The following GIMAP4 variants were observed in gnomAD, a reference collection of about 807,000 sequenced individuals.
GIMAP4 encodes GTPase, IMAP family member 4.
A neutral mutation model predicts 10.8 loss-of-function variants in GIMAP4; 12 were observed. The ratio of observed to expected loss-of-function variants is 1.11; its 90% CI spans 0.71 to 1.81. The LOEUF is 1.81. Among genes scored for constraint, GIMAP4 ranks in the 40% most tolerant of loss-of-function variants. GIMAP4 has a pLI of 0.00. For synonymous variants in GIMAP4, 149 were observed against 147.2 expected, an observed-to-expected ratio of 1.01 and a Z score of -0.09; for missense variants, 412 against 404.6, an observed-to-expected ratio of 1.02 and a Z score of -0.16.
rs1017067469 is a variant in GIMAP4, at chr7:150,573,269, G to A, written c.*209G>A. The stretch of plus-strand genomic sequence containing the variant: ...AAACTCCAAAGCAGAAAGTATTGGT[G>A]CTTGCTACCTTGTGAATTCTTCCTT... On this transcript the variant is annotated 3_prime_UTR_variant, in exon 3 of 3. Transcript: ENST00000255945. 2 of 514,148 alleles carry A rather than the reference G, an allele frequency of 3.9e-6. No individual in the cohort carries two copies. The highest frequency in any genetic ancestry group is 6.9e-6 in the Non-Finnish European group (2 of 291,780). 31.8% of individuals were successfully genotyped at this position (514,148 alleles called of 1,614,324 possible). A position where few individuals can be genotyped will look rare whatever the true frequency, so the allele number is the denominator to read the frequency against.
intron 2 of GIMAP4, among the ~76,000 whole-genome samples, chr7:150,570,594 T>C (rs1314462295): frequency 1.3e-5 from 2 of 152,216 alleles, no homozygotes; most frequent in Non-Finnish European, 2.9e-5. Context: ...ACTGGGCTGT[T>C]CTTGGGTCTG....
rs367979869 is a variant in GIMAP4 at position 150,572,187 on chromosome 7, C to T, written c.117C>T (p.Thr39=). ...SQLRIVLVGK[T]GAGKSATGNS... ...TGAGAATTGTGTTAGTGGGTAAAAC[C>T]GGAGCAGGAAAAAGTGCAACAGGAA... Residue 39 remains threonine (T), a synonymous_variant, in exon 3 of 3, where the codon ACC becomes ACT. Coordinates refer to ENST00000255945, the MANE Select transcript of GIMAP4 (RefSeq NM_018326.3). 1.2e-6 allele frequency: 2 copies of T among 1,613,868 alleles called. No individual in the cohort carries two copies. Among genetic ancestry groups the T allele is most frequent in the South Asian group, 1.1e-5 (1 of 91,064 alleles).
intron 2 of GIMAP4, among the ~76,000 whole-genome samples, chr7:150,570,595 C>T (rs965751359): frequency 6.6e-6 from 1 of 152,166 alleles, no homozygotes; most frequent in African/African-American, 2.4e-5. Flanking sequence ...CTGGGCTGTT[C>T]TTGGGTCTGG....
In GIMAP4 at chr7:150,572,865, G is replaced by A. The variant is rs765012181; in HGVS notation, c.795G>A (p.Lys265=). The part of the protein sequence containing the change: ...IREEYEEKIR[K]LEDKVEQEKR... ...AGGAGTATGAAGAGAAAATCAGAAA[G>A]CTGGAAGATAAAGTGGAGCAGGAAA... is the stretch of plus-strand genomic sequence containing the variant. Residue 265 remains lysine (K), a synonymous_variant, in exon 3 of 3, where the codon AAG becomes AAA. Transcript: ENST00000255945. 8.7e-6 allele frequency: 14 copies of A among 1,613,630 alleles called. No homozygotes were observed. The highest frequency in any genetic ancestry group is 1.7e-5 in the Admixed American group (1 of 59,944).
At chr7:150,570,437 A>C (rs1795715816) in intron 2 of GIMAP4, among the ~76,000 whole-genome samples, 1 of 152,220 alleles carries the variant, frequency 6.6e-6, no homozygotes, top group Non-Finnish European at 1.5e-5. Context: ...TGGCTGGCTC[A>C]TTCAGTGTAT....
chr7:150,570,088 A>AAAT (rs1795712153), intron 2 of GIMAP4, 129 bp downstream of exon 2: 1 of 678,444 alleles, frequency 1.5e-6, no homozygotes, highest in African/African-American at 1.8e-5. Context: ...AGCAGGAGAA[A>AAAT]AATATTTCCA....
At chr7:150,567,506 A>G (rs1256141013) in intron 1 of GIMAP4, 69 bp downstream of exon 1, 1 of 152,124 alleles carries the variant, frequency 6.6e-6, no homozygotes, top group Non-Finnish European at 1.5e-5. Flanking sequence ...AGGGACCTGT[A>G]TCTTAAATCG....
chr7:150,572,397 G>A lies in GIMAP4; in HGVS notation c.327G>A (p.Leu109=). The A allele has an allele frequency of 6.2e-7, 1 of 1,614,092 alleles. No homozygotes were observed. Among genetic ancestry groups the A allele is most frequent in the Non-Finnish European group, 8.5e-7 (1 of 1,179,998 alleles). ...AGGAGATTATTCGCTGCATTCTTCT[G>A]ACCTCCCCAGGGCCTCATGCTCTGC... ...TSKEIIRCIL[L]TSPGPHALLL... The change falls in exon 3 of 3, where the codon CTG becomes CTA. Residue 109 remains leucine (L), a synonymous_variant. Transcript: ENST00000255945.
chr7:150,572,678 C>G lies in GIMAP4; in HGVS notation c.608C>G (p.Ala203Gly). 1.2e-6 allele frequency: 2 copies of G among 1,614,130 alleles called. No individual in the cohort carries two copies. Among genetic ancestry groups the G allele is most frequent in the Non-Finnish European group, 1.7e-6 (2 of 1,179,978 alleles). ...GGCGCTGAGCAGGAGGCCCAGAGGG[C>G]ACAGTTGCTGGGCCTGATCCAGCGC... is the stretch of plus-strand genomic sequence containing the variant. ...ATGAEQEAQR[A>G]QLLGLIQRVV... Residue 203 changes from alanine (A) to glycine (G), a missense_variant, in exon 3 of 3, where the codon GCA becomes GGA. Ala to Gly is a moderately conservative substitution (Grantham distance 60). Coordinates refer to ENST00000255945, the MANE Select transcript of GIMAP4 (RefSeq NM_018326.3).
At position 150,573,012 on chromosome 7, in the gene GIMAP4, G is replaced by C; in HGVS notation, c.942G>C (p.Ala314=). ...KDGILELIMT[A]LQIASFILLR... is the part of the protein sequence containing the mutation. ...GGATACTTGAATTAATCATGACAGCGTTACAGATTGCTTCCTTTATTTTGT... is the reference window on the plus strand; with the variant it reads ...GGATACTTGAATTAATCATGACAGCCTTACAGATTGCTTCCTTTATTTTGT... Residue 314 remains alanine, a synonymous_variant, in exon 3 of 3, where the codon GCG becomes GCC. Transcript: ENST00000255945. 1.2e-6 allele frequency: 2 copies of C among 1,608,900 alleles called. No homozygotes were observed. The highest frequency in any genetic ancestry group is 2.7e-5 in the African/African-American group (2 of 74,780).
rs1483450418 is a variant in GIMAP4 at position 150,572,845 on chromosome 7, T to G, written c.775T>G (p.Tyr259Asp). 1 of 1,610,520 alleles carries G rather than the reference T, an allele frequency of 6.2e-7. No individual in the cohort carries two copies. Among genetic ancestry groups the G allele is most frequent in the African/African-American group, 1.4e-5 (1 of 73,740 alleles). ...AGAGAAAGCGCGGATAAGAGAGGAG[T>G]ATGAAGAGAAAATCAGAAAGCTGGA... Reference protein sequence around the residue: ...EREKARIREEYEEKIRKLEDK... With the variant: ...EREKARIREEDEEKIRKLEDK... The change falls in exon 3 of 3, where the codon TAT becomes GAT. Residue 259 changes from tyrosine to aspartate, a missense_variant. Tyr to Asp is a radical substitution (Grantham distance 160). Coordinates refer to ENST00000255945, the MANE Select transcript of GIMAP4 (RefSeq NM_018326.3).
chr7:150,572,817 GA>G lies in GIMAP4; in HGVS notation c.748del (p.Arg250GlufsTer6). The G allele has an allele frequency of 6.2e-7, 1 of 1,614,036 alleles. No individual in the cohort carries two copies. The highest frequency in any genetic ancestry group is 8.5e-7 in the Non-Finnish European group (1 of 1,179,964). The part of the protein sequence containing the change: ...MQELHRVELE[R>X]EKARIREEYE... ...AAGAACTCCACAGAGTGGAGCTGGA[GA>G]GAGAGAAAGCGCGGATAAGAGAGGA... On this transcript the variant is annotated frameshift_variant, in exon 3 of 3. Coordinates refer to ENST00000255945, the MANE Select transcript of GIMAP4 (RefSeq NM_018326.3). LOFTEE classifies it low-confidence loss of function (END_TRUNC).
chr7:150,572,106 T>A, intron 2 of GIMAP4, 23 bp from the exon 3 acceptor site: 1 of 1,450,364 alleles, frequency 6.9e-7, no homozygotes, highest in South Asian at 1.2e-5. Flanking sequence ...CAGCATGGCT[T>A]TTTTTTTTTC....
At chr7:150,571,352 T>C (rs1193240185) in intron 2 of GIMAP4, among the ~76,000 whole-genome samples, 1 of 152,222 alleles carries the variant, frequency 6.6e-6, no homozygotes, top group African/African-American at 2.4e-5. Flanking sequence ...TAATGATAAG[T>C]TGCATAACCC....
At chr7:150,568,555 A>C (rs1401907889) in intron 1 of GIMAP4, among the ~76,000 whole-genome samples, 1 of 152,240 alleles carries the variant, frequency 6.6e-6, no homozygotes, top group Non-Finnish European at 1.5e-5. Flanking sequence ...TGTTTCTATA[A>C]CACTACATAT....
In GIMAP4 at chr7:150,572,153, AT is replaced by A. The variant is rs1164501220; in HGVS notation, c.85del (p.Ser29ProfsTer3). ...GGGCCTGGAAGGCAAGAGCCCAGAA[AT>A]TCCCAATTGAGAATTGTGTTAGTGG... ...SYGPGRQEPR[N>X]SQLRIVLVGK... On this transcript the variant is annotated frameshift_variant, in exon 3 of 3. Coordinates refer to ENST00000255945, the MANE Select transcript of GIMAP4 (RefSeq NM_018326.3). LOFTEE classifies it high-confidence loss of function. 1 of 1,613,172 alleles carries A rather than the reference AT, an allele frequency of 6.2e-7. No individual in the cohort carries two copies. Among genetic ancestry groups the A allele is most frequent in the Non-Finnish European group, 8.5e-7 (1 of 1,179,360 alleles).
At chr7:150,568,935 C>A (rs1251192671) in intron 1 of GIMAP4, among the ~76,000 whole-genome samples, 1 of 152,086 alleles carries the variant, frequency 6.6e-6, no homozygotes, top group African/African-American at 2.4e-5. Flanking sequence ...TGAGCAGGAA[C>A]AAGCTGGGCA....
At chr7:150,569,619 C>T (rs1795705070) in intron 1 of GIMAP4, among the ~76,000 whole-genome samples, 1 of 152,042 alleles carries the variant, frequency 6.6e-6, no homozygotes, top group African/African-American at 2.4e-5. Context: ...ATAAACACAT[C>T]CAAGCCACGA....
At position 150,572,068 on chromosome 7, in the gene GIMAP4, A is replaced by G. The variant is rs1230776685; in HGVS notation, c.59-61A>G. The G allele has an allele frequency of 3.7e-6, 4 of 1,087,456 alleles. No homozygotes were observed. In the East Asian group the frequency reaches 7.1e-5, roughly 19 times the overall value. The allele number at this position is 1,087,456 out of a possible 1,614,324, so 67.4% of individuals were successfully genotyped here. ...AGGGCACTGGGGGTGAGGACTCTGC[A>G]GGGGAATCTATTAGAGGTAGATTCT... On this transcript the variant is annotated intron_variant, in intron 2 of 2. Coordinates refer to ENST00000255945, the MANE Select transcript of GIMAP4 (RefSeq NM_018326.3).
Sources: allele counts gnomAD v4.1 joint callset (sites outside exome capture counted in the v4.1 genomes callset), GRCh38; gene constraint gnomAD v4.1.1; transcripts MANE v1.5; gene names NCBI Gene and HGNC (gene_info 2026-07-23, HGNC 2026-07-21).